KLF8: variants seen among roughly 807,000 people sequenced by gnomAD.
KLF8 encodes the protein KLF transcription factor 8.
A neutral mutation model predicts 18.2 loss-of-function variants in KLF8; 10 were observed. That is an observed-to-expected ratio of 0.55 (90% CI 0.34 to 0.93). The LOEUF (loss-of-function observed/expected upper bound fraction) is 0.93. KLF8 is among the 40% of genes least tolerant of loss of function. The pLI is 0.02. For synonymous variants in KLF8, 109 were observed against 97.3 expected (o/e 1.12, Z -0.71); for missense variants, 264 against 277.9 (o/e 0.95, Z 0.36).
chrX:56,047,581 C>T, the KLF8 span, among the ~76,000 whole-genome samples: 2 of 110,724 alleles, frequency 1.8e-5, no homozygotes, highest in East Asian at 5.7e-4. Flanking sequence ...CATGCCCCTA[C>T]AAAGGACATG....
intron 3 of KLF8, chrX:56,266,253 A>G (rs1170568443): frequency 1.3e-6 from 1 of 749,888 alleles, no homozygotes; most frequent in Non-Finnish European, 1.6e-6. Flanking sequence ...TCCTGCCTCT[A>G]CCAATACTTT....
chrX:56,151,222 A>G, the KLF8 span, among the ~76,000 whole-genome samples: 3 of 111,747 alleles, frequency 2.7e-5, no homozygotes, highest in Admixed American at 9.6e-5. Context: ...TTCTAAGAGT[A>G]ATGAGAAGGC....
intron 2 of KLF8, among the ~76,000 whole-genome samples, chrX:56,253,962 AC>A (rs1383781734): frequency 6.3e-5 from 6 of 95,899 alleles, no homozygotes; most frequent in Non-Finnish European, 8.3e-5. Flanking sequence ...ACGGGGTTTC[AC>A]CATGTTAACC....
chrX:55,953,072 G>T, the KLF8 span, among the ~76,000 whole-genome samples: 1 of 111,142 alleles, frequency 9.0e-6, no homozygotes. Context: ...TGACTTTAAG[G>T]GCTTAGGTAT....
chrX:55,974,141 A>T, the KLF8 span, among the ~76,000 whole-genome samples: 596 of 111,322 alleles, frequency 5.4e-3, 2 homozygotes, highest in Middle Eastern at 9.3e-3. Context: ...AATTGAGTAC[A>T]CATGGATAAA....
chrX:56,033,292 G>T, the KLF8 span, among the ~76,000 whole-genome samples: 5 of 111,324 alleles, frequency 4.5e-5, no homozygotes, highest in Non-Finnish European at 7.6e-5. Context: ...TATGTGGCTG[G>T]CATATTTCAC....
the KLF8 span, among the ~76,000 whole-genome samples, chrX:56,123,251 GAA>G: frequency 3.4e-5 from 3 of 87,433 alleles, no homozygotes; most frequent in Non-Finnish European, 6.8e-5. Flanking sequence ...AAAAAAGAAA[GAA>G]AAAGAAAGAA....
At position 56,288,151 on chromosome X, in the gene KLF8, A is replaced by G. The variant is rs2067288036; in HGVS notation, c.*3657A>G. On this transcript the variant is annotated 3_prime_UTR_variant, in exon 6 of 6. Transcript: ENST00000468660. ...ATACTTGAGAGGCTGAGGCAAGAGA[A>G]TTGCTTGAACCTGGGAGGCGGAGGT... is the stretch of plus-strand genomic sequence containing the variant. 9.0e-6 allele frequency among the ~76,000 whole-genome samples: 1 copy of G among 110,653 alleles called. No individual in the cohort carries two copies. Among genetic ancestry groups the G allele is most frequent in the Admixed American group, 9.7e-5 (1 of 10,349 alleles).
At chrX:56,083,460 C>T in the KLF8 span, among the ~76,000 whole-genome samples, 1 of 111,710 alleles carries the variant, frequency 9.0e-6, no homozygotes, top group Non-Finnish European at 1.9e-5. Flanking sequence ...TAGAACATGC[C>T]CCCAATGTTT....
At chrX:56,043,944 C>T in the KLF8 span, among the ~76,000 whole-genome samples, 1 of 112,257 alleles carries the variant, frequency 8.9e-6, no homozygotes, top group Non-Finnish European at 1.9e-5. Context: ...GCTTTATCTG[C>T]CTTCTATCTT....
chrX:56,157,430 G>A, the KLF8 span, among the ~76,000 whole-genome samples: 3 of 110,875 alleles, frequency 2.7e-5, no homozygotes, highest in African/African-American at 9.8e-5. Flanking sequence ...GGGTCAAATA[G>A]TATTTCTAGT....
the KLF8 span, among the ~76,000 whole-genome samples, chrX:56,160,830 T>C: frequency 7.2e-5 from 8 of 111,538 alleles, no homozygotes; most frequent in African/African-American, 2.6e-4. Flanking sequence ...TGATGGGTCT[T>C]GACTCTTTAT....
At chrX:55,995,001 T>C in the KLF8 span, among the ~76,000 whole-genome samples, 1 of 112,150 alleles carries the variant, frequency 8.9e-6, no homozygotes, top group Non-Finnish European at 1.9e-5. Flanking sequence ...TGTCTAATAC[T>C]GTTAATGGAG....
chrX:56,137,357 A>C, the KLF8 span, among the ~76,000 whole-genome samples: 796 of 106,288 alleles, frequency 7.5e-3, 31 homozygotes, highest in Admixed American at 0.067. Context: ...AACCAACCCA[A>C]ATGTCCAACA....
chrX:56,062,098 G>A, the KLF8 span, among the ~76,000 whole-genome samples: 7 of 105,967 alleles, frequency 6.6e-5, no homozygotes, highest in African/African-American at 2.5e-4. Context: ...CACAGTGATG[G>A]GTCTTGACTC....
At chrX:56,018,228 ACT>A in the KLF8 span, among the ~76,000 whole-genome samples, 2 of 108,930 alleles carry the variant, frequency 1.8e-5, no homozygotes, top group Admixed American at 9.9e-5. Flanking sequence ...ACCATTACAA[ACT>A]CTCTGCCTCC....
chrX:56,172,823 C>T, the KLF8 span, among the ~76,000 whole-genome samples: 1 of 111,701 alleles, frequency 9.0e-6, no homozygotes, highest in Non-Finnish European at 1.9e-5. Context: ...TGGTATCTCA[C>T]TGTGGTTTTG....
the KLF8 span, among the ~76,000 whole-genome samples, chrX:56,097,341 CTTTTTTT>C: frequency 2.2e-5 from 2 of 90,708 alleles, no homozygotes; most frequent in Admixed American, 2.4e-4. Context: ...CCCTTTCTTT[CTTTTTTT>C]TTTTTTTTTT....
chrX:55,987,918 T>C, the KLF8 span, among the ~76,000 whole-genome samples: 2 of 112,172 alleles, frequency 1.8e-5, no homozygotes, highest in African/African-American at 3.2e-5. Flanking sequence ...TGGTATCCCA[T>C]TGTGGTTTTG....
Sources: gnomAD v4.1 joint callset for allele counts (sites outside exome capture counted in the v4.1 genomes callset) on GRCh38, gnomAD v4.1.1 for gene constraint, MANE v1.5 for transcripts, NCBI Gene and HGNC (gene_info 2026-07-23, HGNC 2026-07-21) for gene names.